MACROD2: variants seen among roughly 807,000 people sequenced by gnomAD.
MACROD2 encodes ADP-ribose glycohydrolase MACROD2.
Under a neutral mutation model 70.4 loss-of-function variants are expected in MACROD2, and 36 were observed. The ratio of observed to expected loss-of-function variants is 0.51; its 90% CI spans 0.39 to 0.68. The LOEUF is 0.68. Ranked by LOEUF, MACROD2 falls within the 30% of genes least tolerant of loss-of-function variation. The pLI, the probability that MACROD2 is intolerant of heterozygous loss-of-function variation, is 0.00. For synonymous variants in MACROD2, 172 were observed against 178.8 expected, an observed-to-expected ratio of 0.96 and a Z score of 0.30; for missense variants, 496 against 538.4, an observed-to-expected ratio of 0.92 and a Z score of 0.78.
intron 4 of MACROD2, among the ~76,000 whole-genome samples, chr20:14,598,385 C>T (rs1456698467): frequency 6.6e-6 from 1 of 151,980 alleles, no homozygotes; most frequent in Non-Finnish European, 1.5e-5. Context: ...TCATTATGAA[C>T]ATTCTAATAT....
chr20:15,500,971 A>G (rs2047357291), intron 8 of MACROD2, among the ~76,000 whole-genome samples: 1 of 152,186 alleles, frequency 6.6e-6, no homozygotes, highest in Non-Finnish European at 1.5e-5. Flanking sequence ...TCTTTGACAC[A>G]TTTTATTTTC....
At chr20:14,706,334 A>G (rs976988475) in intron 5 of MACROD2, among the ~76,000 whole-genome samples, 25 of 151,594 alleles carry the variant, frequency 1.6e-4, no homozygotes, top group South Asian at 1.2e-3. Context: ...AAAAATTGGT[A>G]GAAGAATTCA....
At chr20:15,004,626 C>A (rs1425157746) in intron 5 of MACROD2, among the ~76,000 whole-genome samples, 1 of 152,080 alleles carries the variant, frequency 6.6e-6, no homozygotes, top group East Asian at 1.9e-4. Context: ...ACAGCAACGG[C>A]CACTTTTTTT....
At chr20:14,062,030 A>G (rs1425950034) in intron 2 of MACROD2, among the ~76,000 whole-genome samples, 1 of 152,154 alleles carries the variant, frequency 6.6e-6, no homozygotes, top group African/African-American at 2.4e-5. Context: ...ATTAAAGAAT[A>G]AAAAATAGAA....
chr20:15,130,914 G>T (rs1601114082), intron 5 of MACROD2, among the ~76,000 whole-genome samples: 2 of 152,044 alleles, frequency 1.3e-5, no homozygotes, highest in Admixed American at 6.6e-5. Context: ...GCACTGAATT[G>T]ATTCCCAATA....
At chr20:14,347,215 A>G (rs1414065473) in intron 3 of MACROD2, among the ~76,000 whole-genome samples, 1 of 152,182 alleles carries the variant, frequency 6.6e-6, no homozygotes, top group Non-Finnish European at 1.5e-5. Context: ...ATTAGTAGGT[A>G]GATTTTGGAC....
In MACROD2 at chr20:15,204,704, G is replaced by T. The variant is rs184376602; in HGVS notation, c.419-25236G>T. On this transcript the variant is annotated intron_variant, in intron 5 of 17. Transcript: ENST00000684519. Reference sequence around the variant, plus strand: ...TGACTGCCAAGACCTTTTTCGCTCAGATTGTGCCTATAAATTCAGAACATA... The same window carrying T: ...TGACTGCCAAGACCTTTTTCGCTCATATTGTGCCTATAAATTCAGAACATA... Among the ~76,000 whole-genome samples the T allele has an allele frequency of 6.8e-4, 104 of 152,180 alleles. 1 individual carries two copies. The highest frequency in any genetic ancestry group is 9.1e-4 in the Non-Finnish European group (62 of 67,966).
At chr20:14,644,373 T>C (rs1013033111) in intron 4 of MACROD2, among the ~76,000 whole-genome samples, 1 of 152,232 alleles carries the variant, frequency 6.6e-6, no homozygotes, top group Non-Finnish European at 1.5e-5. Context: ...GCTATAATAC[T>C]ATGTAGTGGT....
At chr20:15,604,989 A>T (rs899992724) in intron 8 of MACROD2, among the ~76,000 whole-genome samples, 1 of 152,164 alleles carries the variant, frequency 6.6e-6, no homozygotes, top group African/African-American at 2.4e-5. Flanking sequence ...AAACGGATAC[A>T]CTGTGGATGG....
At chr20:14,039,382 G>C (rs917282497) in intron 2 of MACROD2, among the ~76,000 whole-genome samples, 1 of 151,994 alleles carries the variant, frequency 6.6e-6, no homozygotes, top group African/African-American at 2.4e-5. Context: ...AACTTTCCTG[G>C]GGTACTGAAA....
chr20:14,758,412 A>T (rs1303615771), intron 5 of MACROD2, among the ~76,000 whole-genome samples: 1 of 152,214 alleles, frequency 6.6e-6, no homozygotes, highest in South Asian at 2.1e-4. Context: ...TTATTAAAGC[A>T]TGCAGTCCTG....
At chr20:14,812,055 G>T (rs76220231) in intron 5 of MACROD2, among the ~76,000 whole-genome samples, 1 of 152,048 alleles carries the variant, frequency 6.6e-6, no homozygotes, top group Non-Finnish European at 1.5e-5. Context: ...AATACCATTT[G>T]ACCCAGCCAT....
At chr20:14,562,889 T>C (rs1022942288) in intron 4 of MACROD2, among the ~76,000 whole-genome samples, 2 of 151,794 alleles carry the variant, frequency 1.3e-5, no homozygotes, top group African/African-American at 4.8e-5. Flanking sequence ...TATGCTAGAT[T>C]CTGGTTTTGT....
At chr20:15,005,903 G>A (rs967003673) in intron 5 of MACROD2, among the ~76,000 whole-genome samples, 1 of 152,016 alleles carries the variant, frequency 6.6e-6, no homozygotes, top group African/African-American at 2.4e-5. Context: ...TGAAAGAGCC[G>A]ATTTTGCCTC....
chr20:15,525,605 C>G (rs1320567271), intron 8 of MACROD2, among the ~76,000 whole-genome samples: 2 of 152,202 alleles, frequency 1.3e-5, no homozygotes, highest in Non-Finnish European at 1.5e-5. Flanking sequence ...GGCAAGTCAA[C>G]TAGGACTTTC....
intron 2 of MACROD2, among the ~76,000 whole-genome samples, chr20:14,022,961 T>C (rs1569120205): frequency 6.6e-6 from 1 of 152,252 alleles, no homozygotes; most frequent in Non-Finnish European, 1.5e-5. Flanking sequence ...AGTAATGGGA[T>C]TGCTGGGCCA....
intron 15 of MACROD2, among the ~76,000 whole-genome samples, chr20:16,015,902 A>G (rs2066922189): frequency 6.6e-6 from 1 of 151,918 alleles, no homozygotes; most frequent in African/African-American, 2.4e-5. Context: ...GTTCTTATTG[A>G]TTTATAAGAG....
rs71340214 is a variant in MACROD2 at position 15,301,591 on chromosome 20, C to CTTTTT, written c.540+71549_540+71553dup. Among the ~76,000 whole-genome samples, 639 of 81,234 alleles carry CTTTTT rather than the reference C, an allele frequency of 7.9e-3. 62 individuals carry two copies. The highest frequency in any genetic ancestry group is 0.011 in the Non-Finnish European group (469 of 41,952). The allele number at this position is 81,234 out of a possible 152,430, so 53.3% of individuals were successfully genotyped here. ...GGAAGTTAGTAAGATGGTAGGTGGC[C>CTTTTT]TTTTTTTTTTTTTTTTTTTTTTTGT... On this transcript the variant is annotated intron_variant, in intron 6 of 17. Transcript: ENST00000684519.
At chr20:15,061,475 G>A (rs920793875) in intron 5 of MACROD2, among the ~76,000 whole-genome samples, 11 of 152,258 alleles carry the variant, frequency 7.2e-5, no homozygotes, top group African/African-American at 2.6e-4. Flanking sequence ...TAATGCACGT[G>A]ATAATGCACC....
Sources: allele counts gnomAD v4.1 joint callset (sites outside exome capture counted in the v4.1 genomes callset), GRCh38; gene constraint gnomAD v4.1.1; transcripts MANE v1.5; gene names NCBI Gene and HGNC (gene_info 2026-07-23, HGNC 2026-07-21).